Variants in IPPK observed in about 807,000 individuals in gnomAD.
The protein encoded by IPPK is IPK1 homolog.
IPPK carries 22 observed loss-of-function variants against 64.6 expected under a neutral mutation model. The ratio of observed to expected loss-of-function variants is 0.34; its 90% confidence interval spans 0.24 to 0.49. The LOEUF is 0.49. Ranked by LOEUF, IPPK falls within the 20% of genes least tolerant of loss-of-function variation. The probability of loss-of-function intolerance (pLI) is 0.99; values close to 1 mark genes in which losing one functional copy is unlikely to be tolerated. For synonymous variants in IPPK, 262 were observed against 247.2 expected, an observed-to-expected ratio of 1.06 and a Z score of -0.56; for missense variants, 532 against 630.7, an observed-to-expected ratio of 0.84 and a Z score of 1.68.
intron 6 of IPPK, among the ~76,000 whole-genome samples, chr9:92,647,033 A>C (rs1852163734): frequency 6.6e-6 from 1 of 152,254 alleles, no homozygotes; most frequent in African/African-American, 2.4e-5. Flanking sequence ...TAAAACCAAA[A>C]GTTGTTTCTT....
intron 4 of IPPK, 67 bp from the exon 5 acceptor site, chr9:92,649,641 A>G: frequency 6.3e-7 from 1 of 1,585,472 alleles, no homozygotes; most frequent in Non-Finnish European, 8.6e-7. Context: ...CCCTGCCCAA[A>G]ACAGGCCCCG....
rs558837115 is a variant in IPPK at position 92,657,179 on chromosome 9, G to C, written c.130-628C>G. On this transcript the variant is annotated intron_variant, in intron 2 of 12. Coordinates refer to ENST00000287996, the MANE Select transcript of IPPK (RefSeq NM_022755.6). The stretch of plus-strand genomic sequence containing the variant: ...AGCCTGGTCAACATGCTGAAACCCC[G>C]TTTCTAATAAAATACAAAAATTAGC... Among the ~76,000 whole-genome samples the C allele has an allele frequency of 1.7e-3, 257 of 152,182 alleles. 7 individuals are homozygous for C. The highest frequency in any genetic ancestry group is 5.3e-4 in the Non-Finnish European group (36 of 68,016).
intron 11 of IPPK, among the ~76,000 whole-genome samples, chr9:92,632,892 C>T (rs543903173): frequency 1.3e-5 from 2 of 152,328 alleles, no homozygotes; most frequent in South Asian, 2.1e-4. Flanking sequence ...CTCCAGGCAG[C>T]GGTGCATGCA....
chr9:92,668,267 C>CTAAA (rs1376476967), intron 1 of IPPK, among the ~76,000 whole-genome samples: 12 of 152,172 alleles, frequency 7.9e-5, no homozygotes, highest in Admixed American at 5.2e-4. Context: ...GACCCCGTTT[C>CTAAA]TAAATAAATA....
intron 11 of IPPK, among the ~76,000 whole-genome samples, chr9:92,623,816 A>G (rs1344626973): frequency 1.3e-5 from 2 of 152,236 alleles, no homozygotes; most frequent in Non-Finnish European, 2.9e-5. Context: ...TACTGAAACT[A>G]AGTATACTCA....
chr9:92,642,845 TG>T (rs1852079342), intron 6 of IPPK, 35 bp from the exon 7 acceptor site: 2 of 1,554,062 alleles, frequency 1.3e-6, no homozygotes, highest in African/African-American at 1.4e-5. Context: ...ATGAGGTGAC[TG>T]GCGCTGGTGA....
chr9:92,615,788 C>A lies in IPPK; in HGVS notation c.*44G>T. 7.0e-7 allele frequency: 1 copy of A among 1,431,630 alleles called. No individual in the cohort carries two copies. Among genetic ancestry groups the A allele is most frequent in the Non-Finnish European group, 9.8e-7 (1 of 1,016,050 alleles). 88.7% of individuals were successfully genotyped at this position (1,431,630 alleles called of 1,614,324 possible). The stretch of plus-strand genomic sequence containing the variant: ...AACAGAAAATATCTCTATCATTCAG[C>A]CTTCACATTATGTTCAAGTTTCAAA... On this transcript the variant is annotated 3_prime_UTR_variant, in exon 13 of 13. Transcript: ENST00000287996.
At chr9:92,649,392 A>G in intron 5 of IPPK, 61 bp downstream of exon 5, 2 of 1,598,644 alleles carry the variant, frequency 1.3e-6, no homozygotes, top group Non-Finnish European at 1.7e-6. Context: ...TGACTCTTGG[A>G]CTTACTACCC....
intron 8 of IPPK, among the ~76,000 whole-genome samples, chr9:92,638,903 C>CA (rs1851995236): frequency 1.3e-5 from 2 of 152,368 alleles, no homozygotes; most frequent in East Asian, 3.9e-4. Flanking sequence ...TCCCAGGGCA[C>CA]AGGCAGGGAC....
chr9:92,647,930 G>C (rs748274953), intron 6 of IPPK, 129 bp downstream of exon 6: 19 of 634,390 alleles, frequency 3.0e-5, no homozygotes, highest in Non-Finnish European at 4.9e-5. Context: ...GAATCACTTT[G>C]TGAAATAAAA....
At chr9:92,628,531 T>C (rs1851775049) in intron 11 of IPPK, among the ~76,000 whole-genome samples, 1 of 152,148 alleles carries the variant, frequency 6.6e-6, no homozygotes, top group South Asian at 2.1e-4. Context: ...GGTCAACTGA[T>C]TTTCAAGAAG....
intron 4 of IPPK, 144 bp from the exon 5 acceptor site, chr9:92,649,718 G>T: frequency 1.0e-6 from 1 of 1,004,616 alleles, no homozygotes; most frequent in Non-Finnish European, 1.5e-6. Context: ...TGGGGATTGT[G>T]GGACACACAC....
chr9:92,637,005 G>GA lies in IPPK; in HGVS notation c.916+995dup, dbSNP rs372722353. ...TGATCAGGAATCACTTTCATAACAA[G>GA]AAAAAAAAAACCCCCACAAAGTTCA... On this transcript the variant is annotated intron_variant, in intron 9 of 12. Coordinates refer to ENST00000287996, the MANE Select transcript of IPPK (RefSeq NM_022755.6). Among the ~76,000 whole-genome samples, 206 of 148,966 alleles carry GA rather than the reference G, an allele frequency of 1.4e-3. 1 individual carries two copies. The highest frequency in any genetic ancestry group is 2.2e-3 in the African/African-American group (88 of 40,534).
At position 92,658,635 on chromosome 9, in the gene IPPK, T is replaced by C. The variant is rs1408693554; in HGVS notation, c.128A>G (p.Lys43Arg). Residue 43 changes from lysine (K) to arginine (R), a missense_variant and splice_region_variant, in exon 2 of 13, where the codon AAG (lysine) becomes AGG (arginine). Coordinates refer to ENST00000287996, the MANE Select transcript of IPPK (RefSeq NM_022755.6). Reference sequence around the variant, plus strand: ...TGGGTGCAAACCCACCCATCTTACCTTCTTCCTATTTGGAGGAAACTTCAG... The same window carrying C: ...TGGGTGCAAACCCACCCATCTTACCCTCTTCCTATTTGGAGGAAACTTCAG... ...RFLKFPPNRK[K>R]TSEEIFQHLQ... 1.2e-6 allele frequency: 2 copies of C among 1,613,606 alleles called. No individual in the cohort carries two copies. Among genetic ancestry groups the C allele is most frequent in the South Asian group, 2.2e-5 (2 of 91,076 alleles).
At position 92,652,582 on chromosome 9, in the gene IPPK, C is replaced by A; in HGVS notation, c.283G>T (p.Glu95Ter). ...AGTTAAACACCCTTACCTGGTCTTT[C>A]AGATTGTATCTTTAAACAAAGCTGT... ...VKQLCLKIQSERPESRCDKDL... is the reference protein window; with the variant it reads ...VKQLCLKIQS Residue 95 changes from glutamate to a stop codon, truncating the protein, a stop_gained, in exon 4 of 13, where the codon GAA (glutamate) becomes TAA (stop). Transcript: ENST00000287996. LOFTEE classifies it high-confidence loss of function. The A allele has an allele frequency of 6.4e-7, 1 of 1,551,704 alleles. No homozygotes were observed. The highest frequency in any genetic ancestry group is 1.2e-5 in the South Asian group (1 of 84,736).
intron 3 of IPPK, among the ~76,000 whole-genome samples, chr9:92,654,924 G>C (rs1321412904): frequency 6.6e-6 from 1 of 152,270 alleles, no homozygotes; most frequent in Non-Finnish European, 1.5e-5. Flanking sequence ...AACCTCACCA[G>C]GATTTGGCCC....
Position 92,635,677 on chromosome 9 carries a change from A to AT in IPPK, c.917-370dup, listed in dbSNP as rs1851928666. Among the ~76,000 whole-genome samples, 1 of 151,078 alleles carries AT rather than the reference A, an allele frequency of 6.6e-6. No individual in the cohort carries two copies. The highest frequency in any genetic ancestry group is 2.4e-5 in the African/African-American group (1 of 41,110). ...TGATCTAAGTTTAGACATAATCCTC[A>AT]TTTTAAGTCAGGTCACAAAATTTCT... On this transcript the variant is annotated intron_variant, in intron 9 of 12. Coordinates refer to ENST00000287996, the MANE Select transcript of IPPK (RefSeq NM_022755.6). The surrounding 1 kb of genome is among the most constrained non-coding windows in gnomAD (Gnocchi z 4.4).
chr9:92,635,056 T>C lies in IPPK; in HGVS notation c.1067+102A>G. On this transcript the variant is annotated intron_variant, in intron 10 of 12. Coordinates refer to ENST00000287996, the MANE Select transcript of IPPK (RefSeq NM_022755.6). The surrounding 1 kb of genome is among the most constrained non-coding windows in gnomAD (Gnocchi z 4.4). ...TGGGGTAGGAAGTGGCCGGCATGCT[T>C]CATCCTCCTGGGAAGCTGTGCCTTG... is the stretch of plus-strand genomic sequence containing the variant. 1 of 1,198,364 alleles carries C rather than the reference T, an allele frequency of 8.3e-7. No individual in the cohort carries two copies. Among genetic ancestry groups the C allele is most frequent in the East Asian group, 2.4e-5 (1 of 40,994 alleles). The allele number at this position is 1,198,364 out of a possible 1,614,324, so 74.2% of individuals were successfully genotyped here. A position where few individuals can be genotyped will look rare whatever the true frequency, so the allele number is the denominator to read the frequency against.
chr9:92,617,632 C>T (rs1207271778), intron 12 of IPPK: 1 of 154,416 alleles, frequency 6.5e-6, no homozygotes, highest in Non-Finnish European at 1.4e-5. Context: ...GGGGGGCAGC[C>T]CTTGCCTGGA....
Sources: allele counts gnomAD v4.1 joint callset (sites outside exome capture counted in the v4.1 genomes callset), GRCh38; gene constraint gnomAD v4.1.1; non-coding constraint Gnocchi (gnomAD v3.1); transcripts MANE v1.5; gene names NCBI Gene and HGNC (gene_info 2026-07-23, HGNC 2026-07-21).